Variants in EVA1A observed in about 807,000 individuals in gnomAD.
The protein encoded by EVA1A is protein eva-1 homolog A.
A neutral mutation model predicts 9.8 loss-of-function variants in EVA1A; 7 were observed. The observed-to-expected ratio is 0.71, with a 90% CI of 0.41 to 1.34. The LOEUF (loss-of-function observed/expected upper bound fraction) is 1.34, where lower values mean the gene tolerates loss of function less well. EVA1A is among the 40% of genes most tolerant of loss of function. The probability of loss-of-function intolerance (pLI) is 0.01; values close to 1 mark genes in which losing one functional copy is unlikely to be tolerated. For synonymous variants in EVA1A, 90 were observed against 85.6 expected (o/e 1.05, Z -0.28); for missense variants, 206 against 205.9 (o/e 1.00, Z 0.00).
chr2:75,512,883 C>T (rs1427234245), intron 3 of EVA1A, among the ~76,000 whole-genome samples: 1 of 152,148 alleles, frequency 6.6e-6, no homozygotes, highest in Non-Finnish European at 1.5e-5. Context: ...AGTCCCCTTG[C>T]AGAGCAAAAT....
chr2:75,516,571 C>G (rs1675012489), intron 3 of EVA1A, among the ~76,000 whole-genome samples: 1 of 152,202 alleles, frequency 6.6e-6, no homozygotes, highest in South Asian at 2.1e-4. Flanking sequence ...CAATGAGTTA[C>G]CACTTTCAGT....
chr2:75,536,360 C>T (rs1186640645), intron 1 of EVA1A, among the ~76,000 whole-genome samples: 2 of 111,466 alleles, frequency 1.8e-5, no homozygotes, highest in Non-Finnish European at 4.0e-5. Flanking sequence ...AAAAACACCT[C>T]CCCCCCAAAT....
intron 1 of EVA1A, among the ~76,000 whole-genome samples, chr2:75,546,675 G>T (rs992664852): frequency 6.6e-6 from 1 of 152,074 alleles, no homozygotes; most frequent in Non-Finnish European, 1.5e-5. Flanking sequence ...CATGTTAGGG[G>T]TTGAATTGTG....
chr2:75,555,381 A>C (rs982758422), intron 1 of EVA1A, among the ~76,000 whole-genome samples: 7 of 130,630 alleles, frequency 5.4e-5, no homozygotes, highest in Admixed American at 2.8e-4. Flanking sequence ...TCCCTTTCTA[A>C]GTCTGGAGAA....
At chr2:75,546,519 C>CA (rs1382243617) in intron 1 of EVA1A, among the ~76,000 whole-genome samples, 8 of 152,006 alleles carry the variant, frequency 5.3e-5, no homozygotes, top group African/African-American at 1.9e-4. Flanking sequence ...TAAATATAGA[C>CA]AAAATCTTCA....
intron 1 of EVA1A, among the ~76,000 whole-genome samples, chr2:75,535,459 AGAT>A (rs1305643522): frequency 6.6e-6 from 1 of 152,224 alleles, no homozygotes; most frequent in Admixed American, 6.5e-5. Context: ...AAAGGAAAAG[AGAT>A]GATTATATAA....
chr2:75,543,527 CA>C (rs1054025583), intron 1 of EVA1A, among the ~76,000 whole-genome samples: 2 of 151,436 alleles, frequency 1.3e-5, no homozygotes, highest in South Asian at 4.2e-4. Context: ...GAAAAAAAAA[CA>C]AAAAAAACCT....
chr2:75,558,610 T>G (rs1676808027), intron 1 of EVA1A: 1 of 152,234 alleles, frequency 6.6e-6, no homozygotes, highest in Non-Finnish European at 1.5e-5. Flanking sequence ...AACTGAAGAA[T>G]GATGCTTCAC....
At chr2:75,525,303 C>T (rs946200209) in intron 1 of EVA1A, among the ~76,000 whole-genome samples, 4 of 152,146 alleles carry the variant, frequency 2.6e-5, no homozygotes, top group African/African-American at 9.7e-5. Context: ...TCCCTTTGCT[C>T]AACCTCCACT....
intron 3 of EVA1A, among the ~76,000 whole-genome samples, chr2:75,496,547 G>T (rs1376879982): frequency 6.6e-6 from 1 of 152,078 alleles, no homozygotes; most frequent in Non-Finnish European, 1.5e-5. Flanking sequence ...CAAACAAATA[G>T]AAAAATACTC....
chr2:75,530,573 G>A (rs973567218), intron 1 of EVA1A, among the ~76,000 whole-genome samples: 2 of 152,082 alleles, frequency 1.3e-5, no homozygotes, highest in Admixed American at 1.3e-4. Context: ...TGGGTTTTAT[G>A]CCAGGGATAC....
chr2:75,529,378 T>C (rs1675565675), intron 1 of EVA1A, among the ~76,000 whole-genome samples: 1 of 152,208 alleles, frequency 6.6e-6, no homozygotes, highest in African/African-American at 2.4e-5. Flanking sequence ...GTGCTTAAAC[T>C]ATACCCTAGA....
At chr2:75,526,602 T>G (rs1004202116) in intron 1 of EVA1A, among the ~76,000 whole-genome samples, 2 of 152,212 alleles carry the variant, frequency 1.3e-5, no homozygotes, top group Non-Finnish European at 2.9e-5. Flanking sequence ...CCAACTCCAG[T>G]GCTCTTAACT....
intron 3 of EVA1A, among the ~76,000 whole-genome samples, chr2:75,496,199 GA>G (rs907824042): frequency 3.3e-5 from 5 of 151,680 alleles, no homozygotes; most frequent in East Asian, 3.9e-4. Context: ...TTAGGCAAGA[GA>G]AAAAAAACAA....
chr2:75,533,168 A>C (rs1675737540), intron 1 of EVA1A, among the ~76,000 whole-genome samples: 1 of 151,768 alleles, frequency 6.6e-6, no homozygotes, highest in Non-Finnish European at 1.5e-5. Flanking sequence ...AAAAAGAAAA[A>C]AGAAAGAAGA....
intron 1 of EVA1A, among the ~76,000 whole-genome samples, chr2:75,552,368 T>C (rs1254620011): frequency 6.6e-6 from 1 of 152,104 alleles, no homozygotes; most frequent in Non-Finnish European, 1.5e-5. Context: ...CTGTCCCTTC[T>C]CTCTCCTAAT....
chr2:75,542,254 G>C (rs1026015313), intron 1 of EVA1A: 2 of 152,618 alleles, frequency 1.3e-5, no homozygotes, highest in African/African-American at 4.8e-5. Flanking sequence ...CCAGTCTCTA[G>C]TATGTCTTTA....
intron 3 of EVA1A, among the ~76,000 whole-genome samples, chr2:75,494,048 T>A (rs1362629029): frequency 6.6e-6 from 1 of 152,158 alleles, no homozygotes; most frequent in Non-Finnish European, 1.5e-5. Flanking sequence ...AGACAGCTTC[T>A]GAGATGAACC....
At chr2:75,566,589 T>G (rs1041952838) in intron 1 of EVA1A, among the ~76,000 whole-genome samples, 3 of 152,224 alleles carry the variant, frequency 2.0e-5, no homozygotes, top group Admixed American at 6.5e-5. Context: ...AGTATCCTCT[T>G]TATCTGTTCT....
Sources: gnomAD v4.1 joint callset for allele counts (sites outside exome capture counted in the v4.1 genomes callset) on GRCh38, gnomAD v4.1.1 for gene constraint, MANE v1.5 for transcripts, NCBI Gene and HGNC (gene_info 2026-07-23, HGNC 2026-07-21) for gene names.